The following ZC2HC1B variants were observed in gnomAD, a reference collection of about 807,000 sequenced individuals.
ZC2HC1B encodes zinc finger C2HC domain-containing protein 1B.
ZC2HC1B carries 36 observed loss-of-function variants against 31.0 expected under a neutral mutation model. The observed-to-expected ratio is 1.16, with a 90% CI of 0.89 to 1.54. ZC2HC1B has a LOEUF of 1.54. Among genes scored for constraint, ZC2HC1B ranks in the 40% most tolerant of loss-of-function variants. ZC2HC1B has a pLI of 0.00. For synonymous variants in ZC2HC1B, 73 were observed against 88.0 expected, an observed-to-expected ratio of 0.83 and a Z score of 0.95; for missense variants, 260 against 268.6, an observed-to-expected ratio of 0.97 and a Z score of 0.22.
intron 6 of ZC2HC1B, among the ~76,000 whole-genome samples, chr6:143,910,165 C>A (rs975135562): frequency 6.6e-6 from 1 of 152,132 alleles, no homozygotes; most frequent in Non-Finnish European, 1.5e-5. Context: ...TATTTGCCCA[C>A]AAGTCATTCA....
intron 6 of ZC2HC1B, among the ~76,000 whole-genome samples, chr6:143,926,122 A>T (rs1004234693): frequency 6.6e-6 from 1 of 151,706 alleles, no homozygotes; most frequent in African/African-American, 2.4e-5. Context: ...TATTACATTT[A>T]GTTCTGCTCT....
At chr6:143,876,683 G>C (rs1003453031) in intron 1 of ZC2HC1B, among the ~76,000 whole-genome samples, 25 of 150,344 alleles carry the variant, frequency 1.7e-4, no homozygotes, top group African/African-American at 6.1e-4. Context: ...TGATCACAAG[G>C]TCCCACAATA....
chr6:143,937,737 A>C lies in ZC2HC1B; in HGVS notation c.*14+4A>C, dbSNP rs1269399133. ...AAGATTAACTCCTAGAAGCCAGGTA[A>C]GAAAAAAAAATCACCGCTAATCCAG... is the stretch of plus-strand genomic sequence containing the variant. On this transcript the variant is annotated splice_donor_region_variant and intron_variant, in intron 7 of 7. Transcript: ENST00000237275. 2 of 1,540,754 alleles carry C rather than the reference A, an allele frequency of 1.3e-6. No homozygotes were observed. The highest frequency in any genetic ancestry group is 1.8e-6 in the Non-Finnish European group (2 of 1,142,596).
intron 6 of ZC2HC1B, among the ~76,000 whole-genome samples, chr6:143,926,808 T>C (rs969945126): frequency 1.3e-5 from 2 of 150,876 alleles, no homozygotes; most frequent in East Asian, 1.9e-4. Flanking sequence ...TAAGTTCATA[T>C]ATATTTAGAA....
chr6:143,883,537 G>T lies in ZC2HC1B; in HGVS notation c.29-767G>T, dbSNP rs1475571494. ...AAAGTCTATGCTCAGACCTCAAACT[G>T]CTTTTTTTATTAACCTAAGACATCA... On this transcript the variant is annotated intron_variant, in intron 1 of 7. Coordinates refer to ENST00000237275, the MANE Select transcript of ZC2HC1B (RefSeq NM_001013623.3). The surrounding 1 kb of genome is among the most constrained non-coding windows in gnomAD (Gnocchi z 4.1). Among the ~76,000 whole-genome samples, 1 of 151,124 alleles carries T rather than the reference G, an allele frequency of 6.6e-6. No individual in the cohort carries two copies. Among genetic ancestry groups the T allele is most frequent in the Non-Finnish European group, 1.5e-5 (1 of 67,998 alleles).
intron 1 of ZC2HC1B, among the ~76,000 whole-genome samples, chr6:143,874,055 C>T (rs1433020102): frequency 1.3e-5 from 2 of 152,226 alleles, no homozygotes; most frequent in Non-Finnish European, 2.9e-5. Flanking sequence ...TTTTTAACAG[C>T]ACCCAAGTCA....
At chr6:143,926,103 T>A (rs561938583) in intron 6 of ZC2HC1B, among the ~76,000 whole-genome samples, 2 of 152,290 alleles carry the variant, frequency 1.3e-5, no homozygotes, top group East Asian at 1.9e-4. Context: ...TATTTTTTTT[T>A]AAAGTCTCTA....
chr6:143,890,413 A>C (rs1185013381), intron 4 of ZC2HC1B, among the ~76,000 whole-genome samples: 27 of 151,950 alleles, frequency 1.8e-4, no homozygotes, highest in South Asian at 8.3e-4. Context: ...AAAAAAAAAA[A>C]AACTTCTCAG....
At position 143,923,915 on chromosome 6, in the gene ZC2HC1B, C is replaced by T. The variant is rs547772532; in HGVS notation, c.599-13734C>T. 2.6e-5 allele frequency among the ~76,000 whole-genome samples: 4 copies of T among 151,496 alleles called. No individual in the cohort carries two copies. The highest frequency in any genetic ancestry group is 7.3e-5 in the African/African-American group (3 of 41,310). On this transcript the variant is annotated intron_variant, in intron 6 of 7. Coordinates refer to ENST00000237275, the MANE Select transcript of ZC2HC1B (RefSeq NM_001013623.3). This position sits in a 1 kb window ranked among gnomAD's most constrained non-coding sequence, Gnocchi z 4.8. ...AGCTTTGTTTTTTTTTACTCAGGAACACTATGGCTATTTGAGCTCTTTAAT... is the reference window on the plus strand; with the variant it reads ...AGCTTTGTTTTTTTTTACTCAGGAATACTATGGCTATTTGAGCTCTTTAAT...
Position 143,885,970 on chromosome 6 carries a change from C to T in ZC2HC1B, c.91-62C>T, listed in dbSNP as rs1399600994. The T allele has an allele frequency of 6.9e-7, 1 of 1,452,854 alleles. No homozygotes were observed. Among genetic ancestry groups the T allele is most frequent in the Non-Finnish European group, 9.1e-7 (1 of 1,102,798 alleles). 90.0% of individuals were successfully genotyped at this position (1,452,854 alleles called of 1,614,324 possible). ...CTGGAGTGGGGGCTGTCTAGGTACA[C>T]CTAGGCATTAAAAACTGATTGTGCA... On this transcript the variant is annotated intron_variant, in intron 2 of 7. Transcript: ENST00000237275. The surrounding 1 kb of genome is among the most constrained non-coding windows in gnomAD (Gnocchi z 4.2).
In ZC2HC1B at chr6:143,933,909, G is replaced by T. The variant is rs1489693865; in HGVS notation, c.599-3740G>T. On this transcript the variant is annotated intron_variant, in intron 6 of 7. Transcript: ENST00000237275. The surrounding 1 kb of genome is among the most constrained non-coding windows in gnomAD (Gnocchi z 6.4). ...CCAGTCAAAATTATTACAAAGTTCA[G>T]TTGGAAGCTTCTTTCACCCTGTGAC... 2.6e-5 allele frequency among the ~76,000 whole-genome samples: 4 copies of T among 152,176 alleles called. No individual in the cohort carries two copies. The highest frequency in any genetic ancestry group is 2.9e-5 in the Non-Finnish European group (2 of 68,046).
In ZC2HC1B at chr6:143,924,622, C is replaced by T. The variant is rs1020915917; in HGVS notation, c.599-13027C>T. The stretch of plus-strand genomic sequence containing the variant: ...TTACAGGTCTTTCAGCTTCTCCCCA[C>T]TCAGTATTATGTTAGCTATGCATTT... On this transcript the variant is annotated intron_variant, in intron 6 of 7. Coordinates refer to ENST00000237275, the MANE Select transcript of ZC2HC1B (RefSeq NM_001013623.3). This position sits in a 1 kb window ranked among gnomAD's most constrained non-coding sequence, Gnocchi z 5.2. Among the ~76,000 whole-genome samples the T allele has an allele frequency of 1.3e-5, 2 of 152,176 alleles. No homozygotes were observed. The highest frequency in any genetic ancestry group is 2.9e-5 in the Non-Finnish European group (2 of 68,030).
At chr6:143,889,548 C>A (rs1777572586) in intron 4 of ZC2HC1B, among the ~76,000 whole-genome samples, 1 of 151,992 alleles carries the variant, frequency 6.6e-6, no homozygotes, top group Non-Finnish European at 1.5e-5. Flanking sequence ...TAATATAGCA[C>A]AAAGTTAACT....
chr6:143,911,118 T>C lies in ZC2HC1B; in HGVS notation c.598+7966T>C, dbSNP rs191749991. On this transcript the variant is annotated intron_variant, in intron 6 of 7. Coordinates refer to ENST00000237275, the MANE Select transcript of ZC2HC1B (RefSeq NM_001013623.3). The surrounding 1 kb of genome is among the most constrained non-coding windows in gnomAD (Gnocchi z 4.5). ...GCAACCCCTGCTTTTTTCAATATTT[T>C]CCATTTGCTTGGTAAATTTTCCTTC... Among the ~76,000 whole-genome samples the C allele has an allele frequency of 6.6e-6, 1 of 152,346 alleles. No homozygotes were observed. The highest frequency in any genetic ancestry group is 6.5e-5 in the Admixed American group (1 of 15,298).
In ZC2HC1B at chr6:143,911,919, G is replaced by T. The variant is rs1358999958; in HGVS notation, c.598+8767G>T. ...AGGTACCCCAATCAGTTGTAGATTT[G>T]GTCTCTTTACATAATCCCATGTTTC... is the stretch of plus-strand genomic sequence containing the variant. On this transcript the variant is annotated intron_variant, in intron 6 of 7. Coordinates refer to ENST00000237275, the MANE Select transcript of ZC2HC1B (RefSeq NM_001013623.3). This position sits in a 1 kb window ranked among gnomAD's most constrained non-coding sequence, Gnocchi z 4.5. 6.6e-6 allele frequency among the ~76,000 whole-genome samples: 1 copy of T among 151,688 alleles called. No individual in the cohort carries two copies. The highest frequency in any genetic ancestry group is 1.5e-5 in the Non-Finnish European group (1 of 67,904).
At chr6:143,875,619 A>G (rs1777396645) in intron 1 of ZC2HC1B, among the ~76,000 whole-genome samples, 1 of 150,736 alleles carries the variant, frequency 6.6e-6, no homozygotes, top group African/African-American at 2.4e-5. Flanking sequence ...ATTTCTGTTT[A>G]TATAAGTTAG....
At chr6:143,876,339 A>G (rs56113377) in intron 1 of ZC2HC1B, among the ~76,000 whole-genome samples, 7,584 of 150,552 alleles carry the variant, frequency 0.05, 799 homozygotes, top group African/African-American at 0.15. Flanking sequence ...TGTATAGAGT[A>G]ACTAAACTCC....
intron 6 of ZC2HC1B, among the ~76,000 whole-genome samples, chr6:143,920,545 T>C (rs775554297): frequency 7.2e-5 from 11 of 152,180 alleles, no homozygotes; most frequent in Non-Finnish European, 1.0e-4. Context: ...AATGGTATTA[T>C]GTTTGCTCTT....
rs1777855447 is a variant in ZC2HC1B at position 143,911,481 on chromosome 6, A to G, written c.598+8329A>G. 6.6e-6 allele frequency among the ~76,000 whole-genome samples: 1 copy of G among 152,076 alleles called. No individual in the cohort carries two copies. The highest frequency in any genetic ancestry group is 2.4e-5 in the African/African-American group (1 of 41,408). On this transcript the variant is annotated intron_variant, in intron 6 of 7. Transcript: ENST00000237275. The surrounding 1 kb of genome is among the most constrained non-coding windows in gnomAD (Gnocchi z 4.5). ...AGGTCTGGTGGTAACAAATTCCCTC[A>G]TCATTTGCTTGTCTGAAAAGGATGT...
Sources: allele counts gnomAD v4.1 joint callset (sites outside exome capture counted in the v4.1 genomes callset), GRCh38; gene constraint gnomAD v4.1.1; non-coding constraint Gnocchi (gnomAD v3.1); transcripts MANE v1.5; gene names NCBI Gene and HGNC (gene_info 2026-07-23, HGNC 2026-07-21).